ADGRV1: variants seen among roughly 807,000 people sequenced by gnomAD.
ADGRV1 encodes G-protein coupled receptor 98.
Under a neutral mutation model 596.2 loss-of-function variants are expected in ADGRV1, and 359 were observed. The ratio of observed to expected loss-of-function variants is 0.60; its 90% confidence interval spans 0.55 to 0.66. ADGRV1 has a LOEUF of 0.66. Among genes scored for constraint, ADGRV1 ranks in the 30% least tolerant of loss-of-function variants. The probability of loss-of-function intolerance (pLI) is 0.00; values close to 1 mark genes in which losing one functional copy is unlikely to be tolerated. For missense variants in ADGRV1, 7,274 were observed against 7,575.6 expected, an observed-to-expected ratio of 0.96 and a Z score of 1.48; for synonymous variants, 2,681 against 2,679.2, an observed-to-expected ratio of 1.00 and a Z score of -0.02.
At chr5:90,587,145 A>G (rs1264454710) in intron 1 of ADGRV1, among the ~76,000 whole-genome samples, 1 of 152,112 alleles carries the variant, frequency 6.6e-6, no homozygotes, top group African/African-American at 2.4e-5. Context: ...TCAAACAATC[A>G]CATTCATTAT....
chr5:90,641,444 C>T (rs1766956791), intron 11 of ADGRV1, among the ~76,000 whole-genome samples: 1 of 152,052 alleles, frequency 6.6e-6, no homozygotes, highest in African/African-American at 2.4e-5. Context: ...TTATATTTTG[C>T]ATTCTGATCC....
chr5:90,595,773 CT>C (rs1328305990), intron 1 of ADGRV1, among the ~76,000 whole-genome samples: 53 of 142,966 alleles, frequency 3.7e-4, no homozygotes, highest in Non-Finnish European at 7.3e-4. Flanking sequence ...GACGGGGTGG[CT>C]GGCCGGGCGG....
At chr5:90,655,961 T>A (rs1247307051) in intron 20 of ADGRV1, 1 of 152,212 alleles carries the variant, frequency 6.6e-6, no homozygotes, top group African/African-American at 2.4e-5. Context: ...ACAATTTTTC[T>A]TCTTTATTGT....
chr5:90,828,439 TAAAAA>T (rs1764245871), intron 76 of ADGRV1, among the ~76,000 whole-genome samples: 1 of 152,092 alleles, frequency 6.6e-6, no homozygotes, highest in African/African-American at 2.4e-5. Flanking sequence ...GTGTGGTAGT[TAAAAA>T]AGAAAACTTT....
chr5:90,630,570 T>C (rs1405328226), intron 9 of ADGRV1: 2 of 152,184 alleles, frequency 1.3e-5, no homozygotes, highest in Non-Finnish European at 1.5e-5. Flanking sequence ...TTAAATTATG[T>C]AAATCAATTA....
At position 90,676,090 on chromosome 5, in the gene ADGRV1, G is replaced by A. The variant is rs368875861; in HGVS notation, c.5324G>A (p.Gly1775Asp). ...FSPEDYQNVA[G>D]TLEFQPGERY... ...TCTTTTATATTTCAGAATGTTGCTG[G>A]CACATTAGAATTTCAACCAGGAGAA... The change falls in exon 25 of 90, where the codon GGC becomes GAC. Residue 1775 changes from glycine to aspartate, a missense_variant. Gly to Asp is a moderately conservative substitution (Grantham distance 94). Transcript: ENST00000405460. The A allele has an allele frequency of 1.9e-6, 3 of 1,597,280 alleles. No homozygotes were observed. Among genetic ancestry groups the A allele is most frequent in the Non-Finnish European group, 2.6e-6 (3 of 1,169,498 alleles).
At chr5:90,723,848 G>A (rs1377828632) in intron 45 of ADGRV1, among the ~76,000 whole-genome samples, 1 of 152,056 alleles carries the variant, frequency 6.6e-6, no homozygotes, top group Non-Finnish European at 1.5e-5. Flanking sequence ...TTGGAGGGAA[G>A]CAGCCATGTT....
intron 43 of ADGRV1, among the ~76,000 whole-genome samples, chr5:90,719,596 G>C (rs757823231): frequency 5.1e-4 from 77 of 152,128 alleles, no homozygotes; most frequent in Non-Finnish European, 9.7e-4. Context: ...TAATCACTGA[G>C]TAGCATTTTA....
chr5:90,634,030 T>C (rs766158468), intron 9 of ADGRV1, among the ~76,000 whole-genome samples: 2 of 152,216 alleles, frequency 1.3e-5, no homozygotes, highest in Non-Finnish European at 2.9e-5. Flanking sequence ...CATTTCAATA[T>C]TATAAAGCCT....
intron 85 of ADGRV1, among the ~76,000 whole-genome samples, chr5:91,026,151 G>A (rs1237677050): frequency 1.3e-5 from 2 of 152,076 alleles, no homozygotes; most frequent in Non-Finnish European, 2.9e-5. Context: ...CCTGCTCCAA[G>A]GTCAGTGCTT....
At chr5:90,605,387 C>T (rs1713786323) in intron 1 of ADGRV1, among the ~76,000 whole-genome samples, 1 of 149,094 alleles carries the variant, frequency 6.7e-6, no homozygotes, top group Non-Finnish European at 1.5e-5. Flanking sequence ...TGCACTCCAG[C>T]CTGGTGATAG....
chr5:91,133,469 A>G (rs963092119), intron 87 of ADGRV1, among the ~76,000 whole-genome samples: 2 of 152,228 alleles, frequency 1.3e-5, no homozygotes, highest in East Asian at 3.8e-4. Flanking sequence ...CTGCTGAAAT[A>G]GAAGGGAACT....
chr5:90,774,138 T>C lies in ADGRV1; in HGVS notation c.12286-48T>C, dbSNP rs749159387. 9.0e-6 allele frequency: 9 copies of C among 999,320 alleles called. No homozygotes were observed. The Admixed American group carries it at 1.6e-4, about 18-fold the overall frequency. The allele number at this position is 999,320 out of a possible 1,614,324, so 61.9% of individuals were successfully genotyped here. ...TCTGCTAATGACAACATTCAAACTT[T>C]GGCTTTGGTCAATCTGGAAAATGCA... On this transcript the variant is annotated intron_variant, in intron 59 of 89. Transcript: ENST00000405460.
chr5:90,613,158 G>A (rs1362850679), intron 1 of ADGRV1, among the ~76,000 whole-genome samples: 2 of 151,996 alleles, frequency 1.3e-5, no homozygotes, highest in African/African-American at 4.8e-5. Flanking sequence ...TCAGTTCATG[G>A]TTCTGTCACG....
intron 83 of ADGRV1, among the ~76,000 whole-genome samples, chr5:90,874,813 G>A (rs570276267): frequency 3.3e-5 from 5 of 151,534 alleles, no homozygotes; most frequent in South Asian, 2.1e-4. Context: ...AGTGGAGATC[G>A]CACCACTGCA....
intron 6 of ADGRV1, chr5:90,626,184 A>G (rs1764730240): frequency 6.6e-6 from 1 of 152,176 alleles, no homozygotes; most frequent in Non-Finnish European, 1.5e-5. Flanking sequence ...ACTAAATCAC[A>G]AGAAAACTCA....
chr5:90,640,034 G>C (rs531868328), intron 11 of ADGRV1, among the ~76,000 whole-genome samples: 9 of 152,234 alleles, frequency 5.9e-5, no homozygotes, highest in African/African-American at 2.2e-4. Flanking sequence ...CAAATAACAT[G>C]CTGGTTAAAA....
chr5:90,830,527 A>G (rs989540462), intron 77 of ADGRV1, among the ~76,000 whole-genome samples: 1 of 152,166 alleles, frequency 6.6e-6, no homozygotes, highest in Non-Finnish European at 1.5e-5. Context: ...GTGCTCAGTC[A>G]GATGAGAGGG....
At chr5:90,716,999 C>A (rs913102173) in intron 43 of ADGRV1, 1 of 240,316 alleles carries the variant, frequency 4.2e-6, no homozygotes, top group Non-Finnish European at 8.1e-6. Context: ...ATTTTCAGCA[C>A]ATTTAAATTG....
Sources: gnomAD v4.1 joint callset for allele counts (sites outside exome capture counted in the v4.1 genomes callset) on GRCh38, gnomAD v4.1.1 for gene constraint, MANE v1.5 for transcripts, NCBI Gene and HGNC (gene_info 2026-07-23, HGNC 2026-07-21) for gene names.